SLC25A21: variants seen among roughly 807,000 people sequenced by gnomAD.
SLC25A21 encodes solute carrier family 25 member 21.
Under a neutral mutation model 43.8 loss-of-function variants are expected in SLC25A21, and 47 were observed. That is an observed-to-expected ratio of 1.07 (90% CI 0.85 to 1.37). SLC25A21 has a LOEUF of 1.37. Among genes scored for constraint, SLC25A21 ranks in the 40% most tolerant of loss-of-function variants. The probability of loss-of-function intolerance (pLI) is 0.00; values close to 1 mark genes in which losing one functional copy is unlikely to be tolerated. For synonymous variants in SLC25A21, 131 were observed against 121.3 expected (o/e 1.08, Z -0.52); for missense variants, 352 against 350.2 (o/e 1.00, Z -0.04).
chr14:36,778,264 T>C (rs563441083), intron 3 of SLC25A21, among the ~76,000 whole-genome samples: 21 of 152,256 alleles, frequency 1.4e-4, no homozygotes, highest in Non-Finnish European at 2.9e-4. Context: ...ACTGCAATCA[T>C]GCAGTCGGAA....
chr14:36,717,863 T>C (rs1425956366), intron 6 of SLC25A21, among the ~76,000 whole-genome samples: 1 of 152,116 alleles, frequency 6.6e-6, no homozygotes. Flanking sequence ...ATCAACCTTA[T>C]AAAGAGAGGA....
intron 2 of SLC25A21, among the ~76,000 whole-genome samples, chr14:36,826,973 T>C (rs1365778755): frequency 2.6e-5 from 4 of 152,050 alleles, no homozygotes; most frequent in Non-Finnish European, 5.9e-5. Context: ...AATCACAACT[T>C]TGGATGAGGA....
intron 1 of SLC25A21, among the ~76,000 whole-genome samples, chr14:36,968,271 C>T (rs1429035092): frequency 6.6e-6 from 1 of 152,224 alleles, no homozygotes; most frequent in African/African-American, 2.4e-5. Context: ...CTCATAGCCT[C>T]TTCCCCTGGA....
intron 2 of SLC25A21, among the ~76,000 whole-genome samples, chr14:36,827,231 G>A (rs1351315766): frequency 2.0e-5 from 3 of 152,174 alleles, no homozygotes; most frequent in African/African-American, 7.2e-5. Flanking sequence ...GTATGAAAAT[G>A]TCTGTTGAAA....
rs1029021048 is a variant in SLC25A21 at position 36,986,585 on chromosome 14, C to T, written c.71-111581G>A. On this transcript the variant is annotated intron_variant, in intron 1 of 9. Transcript: ENST00000331299. ...CAATGTGAGACCATGTTAGCTCCTC[C>T]TACAGAGGATCTTAGTTAATCCAGG... Among the ~76,000 whole-genome samples, 6 of 152,246 alleles carry T rather than the reference C, an allele frequency of 3.9e-5. No homozygotes were observed. The South Asian group carries it at 1.2e-3, about 32-fold the overall frequency.
At chr14:36,958,431 A>T (rs1323288113) in intron 1 of SLC25A21, among the ~76,000 whole-genome samples, 2 of 152,226 alleles carry the variant, frequency 1.3e-5, no homozygotes, top group Non-Finnish European at 2.9e-5. Context: ...CTCAAAGATT[A>T]AACTCCTTTG....
chr14:36,910,753 T>C (rs1449266431), intron 1 of SLC25A21, among the ~76,000 whole-genome samples: 1 of 152,204 alleles, frequency 6.6e-6, no homozygotes, highest in Non-Finnish European at 1.5e-5. Flanking sequence ...TAGTGGCTTA[T>C]TTCGGAATTA....
intron 1 of SLC25A21, among the ~76,000 whole-genome samples, chr14:36,936,350 C>A (rs575816940): frequency 3.3e-5 from 5 of 152,146 alleles, no homozygotes; most frequent in Non-Finnish European, 5.9e-5. Context: ...CCCACCACCC[C>A]TCTCCATCTC....
chr14:37,000,427 C>A (rs1039950480), intron 1 of SLC25A21, among the ~76,000 whole-genome samples: 1 of 152,140 alleles, frequency 6.6e-6, no homozygotes, highest in African/African-American at 2.4e-5. Context: ...GGCTTTCCAC[C>A]AAACTCAGAA....
chr14:36,783,414 C>T (rs1373521396), intron 3 of SLC25A21, among the ~76,000 whole-genome samples: 2 of 152,032 alleles, frequency 1.3e-5, no homozygotes, highest in Non-Finnish European at 2.9e-5. Flanking sequence ...GAGTTTTGAG[C>T]CCTGATTACT....
intron 1 of SLC25A21, among the ~76,000 whole-genome samples, chr14:36,974,126 T>C (rs1283025045): frequency 2.0e-5 from 3 of 152,146 alleles, no homozygotes; most frequent in Non-Finnish European, 2.9e-5. Context: ...ACCAGAAATA[T>C]TTGTTTGAAA....
intron 1 of SLC25A21, among the ~76,000 whole-genome samples, chr14:36,882,306 C>A (rs761411517): frequency 1.1e-4 from 17 of 152,202 alleles, no homozygotes; most frequent in Non-Finnish European, 2.2e-4. Context: ...TTGCTTGAAC[C>A]TGGGAGGCAG....
chr14:36,823,278 A>G lies in SLC25A21; in HGVS notation c.120-9277T>C, dbSNP rs542531922. Among the ~76,000 whole-genome samples, 114 of 152,322 alleles carry G rather than the reference A, an allele frequency of 7.5e-4. 1 individual carries two copies. The highest frequency in any genetic ancestry group is 2.1e-3 in the Admixed American group (32 of 15,288). The stretch of plus-strand genomic sequence containing the variant: ...AAAATAGGCTAATTAACATAGCTGT[A>G]TAATTAAAATGCTCCAAGCATAAAC... On this transcript the variant is annotated intron_variant, in intron 2 of 9. Coordinates refer to ENST00000331299, the MANE Select transcript of SLC25A21 (RefSeq NM_030631.4).
intron 3 of SLC25A21, among the ~76,000 whole-genome samples, chr14:36,741,121 AC>A (rs536303262): frequency 4.1e-4 from 62 of 152,048 alleles, no homozygotes; most frequent in Non-Finnish European, 5.0e-4. Context: ...CCTCTGAGTC[AC>A]CCCCATTGTT....
intron 1 of SLC25A21, among the ~76,000 whole-genome samples, chr14:37,127,106 A>G (rs996473839): frequency 1.6e-4 from 25 of 152,208 alleles, no homozygotes; most frequent in African/African-American, 5.8e-4. Flanking sequence ...AGTGATAGAG[A>G]TAGAATTTGT....
intron 1 of SLC25A21, among the ~76,000 whole-genome samples, chr14:37,124,438 T>C (rs1963262844): frequency 1.3e-5 from 2 of 152,106 alleles, no homozygotes; most frequent in Non-Finnish European, 2.9e-5. Flanking sequence ...AGACCTGAGA[T>C]GCATACTTAG....
intron 1 of SLC25A21, among the ~76,000 whole-genome samples, chr14:36,887,801 C>T (rs1007525645): frequency 2.6e-5 from 4 of 152,140 alleles, no homozygotes; most frequent in Non-Finnish European, 5.9e-5. Context: ...TTTCTCTTCT[C>T]AGAATTTCTT....
intron 3 of SLC25A21, among the ~76,000 whole-genome samples, chr14:36,811,633 C>G (rs2138441749): frequency 6.6e-6 from 1 of 152,116 alleles, no homozygotes; most frequent in East Asian, 1.9e-4. Context: ...GCCTGCGTAA[C>G]AGAGTGAGAG....
At chr14:37,025,168 T>C (rs886233864) in intron 1 of SLC25A21, among the ~76,000 whole-genome samples, 4 of 152,146 alleles carry the variant, frequency 2.6e-5, no homozygotes, top group Non-Finnish European at 5.9e-5. Flanking sequence ...ATGTGGAAAT[T>C]AGAAAAATCT....
Sources: allele counts gnomAD v4.1 joint callset (sites outside exome capture counted in the v4.1 genomes callset), GRCh38; gene constraint gnomAD v4.1.1; transcripts MANE v1.5; gene names NCBI Gene and HGNC (gene_info 2026-07-23, HGNC 2026-07-21).